MACROD2: variants seen among roughly 807,000 people sequenced by gnomAD.
MACROD2 encodes the protein ADP-ribose glycohydrolase MACROD2.
MACROD2 carries 36 observed loss-of-function variants against 70.4 expected under a neutral mutation model. That is an observed-to-expected ratio of 0.51 (90% CI 0.39 to 0.68). The LOEUF is 0.68. Ranked by LOEUF, MACROD2 falls within the 30% of genes least tolerant of loss-of-function variation. The probability of loss-of-function intolerance (pLI) is 0.00; values close to 1 mark genes in which losing one functional copy is unlikely to be tolerated. For synonymous variants in MACROD2, 172 were observed against 178.8 expected (o/e 0.96, Z 0.30); for missense variants, 496 against 538.4 (o/e 0.92, Z 0.78).
At chr20:15,355,855 T>G (rs947533329) in intron 6 of MACROD2, among the ~76,000 whole-genome samples, 13 of 152,230 alleles carry the variant, frequency 8.5e-5, no homozygotes, top group African/African-American at 2.9e-4. Context: ...AATTTATTTT[T>G]TATTCTTGTG....
chr20:15,263,644 G>T (rs778309361), intron 6 of MACROD2, among the ~76,000 whole-genome samples: 18 of 151,970 alleles, frequency 1.2e-4, no homozygotes, highest in Non-Finnish European at 2.5e-4. Flanking sequence ...TAACAATATT[G>T]ATTCTTCCAA....
chr20:14,504,128 A>C (rs1208358910), intron 4 of MACROD2, among the ~76,000 whole-genome samples: 1 of 152,174 alleles, frequency 6.6e-6, no homozygotes, highest in Non-Finnish European at 1.5e-5. Context: ...TATTGTGTTC[A>C]CTTGCTGAAA....
chr20:14,003,698 G>A lies in MACROD2; in HGVS notation c.163+1294G>A, dbSNP rs557169522. 1.4e-4 allele frequency: 67 copies of A among 482,684 alleles called. No individual in the cohort carries two copies. In the East Asian group the frequency reaches 3.7e-3, roughly 27 times the overall value. The allele number at this position is 482,684 out of a possible 1,614,324, so 29.9% of individuals were successfully genotyped here. A position where few individuals can be genotyped will look rare whatever the true frequency, so the allele number is the denominator to read the frequency against. On this transcript the variant is annotated intron_variant, in intron 2 of 17. Coordinates refer to ENST00000684519, the MANE Select transcript of MACROD2 (RefSeq NM_001351661.2). ...CATTGCCCTAGCCAGTCCCCACAGT[G>A]TAACAGGGTCTCCTTGGCAGCTGTA...
At chr20:14,623,846 A>G (rs769722715) in intron 4 of MACROD2, among the ~76,000 whole-genome samples, 1 of 152,224 alleles carries the variant, frequency 6.6e-6, no homozygotes, top group African/African-American at 2.4e-5. Context: ...ACAGAGGGCT[A>G]TCACAAACTC....
At chr20:14,204,897 T>C (rs1315012236) in intron 3 of MACROD2, among the ~76,000 whole-genome samples, 1 of 152,094 alleles carries the variant, frequency 6.6e-6, no homozygotes, top group Non-Finnish European at 1.5e-5. Context: ...AACTGTAGAG[T>C]CTCATAAGGC....
chr20:15,173,588 G>A (rs758339915), intron 5 of MACROD2, among the ~76,000 whole-genome samples: 6 of 152,090 alleles, frequency 3.9e-5, no homozygotes, highest in Non-Finnish European at 8.8e-5. Context: ...ATTCCATTAA[G>A]GTGAATTCTG....
intron 5 of MACROD2, among the ~76,000 whole-genome samples, chr20:14,756,848 A>T (rs2071947226): frequency 6.6e-6 from 1 of 151,954 alleles, no homozygotes; most frequent in African/African-American, 2.4e-5. Context: ...TTTCCCCCAT[A>T]CTGTTCTCGT....
chr20:14,650,231 TC>T (rs1985612683), intron 4 of MACROD2, among the ~76,000 whole-genome samples: 4 of 152,178 alleles, frequency 2.6e-5, no homozygotes, highest in Admixed American at 2.6e-4. Context: ...GTTAGGTGTG[TC>T]TGGGACTTAC....
intron 8 of MACROD2, among the ~76,000 whole-genome samples, chr20:15,737,890 GAT>G (rs2051047524): frequency 6.7e-6 from 1 of 149,744 alleles, no homozygotes; most frequent in Non-Finnish European, 1.5e-5. Flanking sequence ...ATGGATGGAT[GAT>G]GAATGGATGA....
intron 8 of MACROD2, among the ~76,000 whole-genome samples, chr20:15,741,868 G>A (rs1255275309): frequency 2.0e-5 from 3 of 152,072 alleles, no homozygotes; most frequent in Non-Finnish European, 4.4e-5. Context: ...CATAGTAGAG[G>A]TTCAATAAAT....
rs1436302899 is a variant in MACROD2 at position 14,538,366 on chromosome 20, G to C, written c.301+44858G>C. 3.3e-5 allele frequency among the ~76,000 whole-genome samples: 5 copies of C among 152,198 alleles called. No individual in the cohort carries two copies. In the East Asian group the frequency reaches 9.6e-4, roughly 29 times the overall value. The stretch of plus-strand genomic sequence containing the variant: ...AGGCTGGAGCAATGGAGGAGAGATG[G>C]CAACTTATTGTCACAAGCCTTCCCT... On this transcript the variant is annotated intron_variant, in intron 4 of 17. Coordinates refer to ENST00000684519, the MANE Select transcript of MACROD2 (RefSeq NM_001351661.2).
chr20:15,977,194 G>T (rs111737162), intron 13 of MACROD2, among the ~76,000 whole-genome samples: 1,772 of 152,278 alleles, frequency 0.012, 31 homozygotes, highest in African/African-American at 0.04. Context: ...CGATGATTAG[G>T]TTCAATGGCC....
chr20:14,392,026 C>CA (rs959201317), intron 3 of MACROD2, among the ~76,000 whole-genome samples: 5 of 149,902 alleles, frequency 3.3e-5, no homozygotes, highest in African/African-American at 1.2e-4. Context: ...AATGCGACTT[C>CA]TTTTTTTTTC....
intron 10 of MACROD2, among the ~76,000 whole-genome samples, chr20:15,906,279 A>G (rs1012380882): frequency 2.0e-5 from 3 of 152,368 alleles, no homozygotes; most frequent in Admixed American, 6.5e-5. Flanking sequence ...AGAAAGCTGC[A>G]TGCTAACTAG....
At chr20:15,974,559 G>A (rs932220240) in intron 13 of MACROD2, among the ~76,000 whole-genome samples, 1 of 152,008 alleles carries the variant, frequency 6.6e-6, no homozygotes, top group Non-Finnish European at 1.5e-5. Context: ...GATCTTTAGG[G>A]CATTGAAAAT....
At chr20:14,526,989 T>C (rs528538432) in intron 4 of MACROD2, among the ~76,000 whole-genome samples, 1 of 152,224 alleles carries the variant, frequency 6.6e-6, no homozygotes, top group Non-Finnish European at 1.5e-5. Flanking sequence ...TATGTGGACT[T>C]GGAGAATGAG....
chr20:15,811,663 C>G (rs1189394169), intron 8 of MACROD2, among the ~76,000 whole-genome samples: 1 of 151,828 alleles, frequency 6.6e-6, no homozygotes, highest in Non-Finnish European at 1.5e-5. Flanking sequence ...ATATCAAAGG[C>G]CCTCAATAAT....
intron 8 of MACROD2, among the ~76,000 whole-genome samples, chr20:15,639,665 A>G (rs28531995): frequency 5.3e-5 from 8 of 152,122 alleles, no homozygotes; most frequent in Non-Finnish European, 7.4e-5. Flanking sequence ...TCCATCACCA[A>G]TGATGGGTAT....
intron 4 of MACROD2, among the ~76,000 whole-genome samples, chr20:14,499,138 T>A (rs1164965142): frequency 6.6e-6 from 1 of 152,190 alleles, no homozygotes; most frequent in Non-Finnish European, 1.5e-5. Context: ...GAGAGCAGCA[T>A]GGCAGGAGAA....
Sources: gnomAD v4.1 joint callset for allele counts (sites outside exome capture counted in the v4.1 genomes callset) on GRCh38, gnomAD v4.1.1 for gene constraint, MANE v1.5 for transcripts, NCBI Gene and HGNC (gene_info 2026-07-23, HGNC 2026-07-21) for gene names.